SHROOM3: variants seen among roughly 807,000 people sequenced by gnomAD.
SHROOM3 encodes shroom family member 3.
In SHROOM3, 47 loss-of-function variants were observed where a neutral mutation model predicts 138.6. The ratio of observed to expected loss-of-function variants is 0.34; its 90% CI spans 0.27 to 0.43. The LOEUF is 0.43. Among genes scored for constraint, SHROOM3 ranks in the 20% least tolerant of loss-of-function variants. The pLI, the probability that SHROOM3 is intolerant of heterozygous loss-of-function variation, is 1.00. For synonymous variants in SHROOM3, 1,062 were observed against 1,063.3 expected, an observed-to-expected ratio of 1.00 and a Z score of 0.02; for missense variants, 2,491 against 2,596.5, an observed-to-expected ratio of 0.96 and a Z score of 0.88.
Position 76,741,227 on chromosome 4 carries a change from C to T in SHROOM3, c.3054C>T (p.Arg1018=). 3 of 1,610,690 alleles carry T rather than the reference C, an allele frequency of 1.9e-6. No individual in the cohort carries two copies. Among genetic ancestry groups the T allele is most frequent in the Non-Finnish European group, 2.5e-6 (3 of 1,179,126 alleles). The change falls in exon 5 of 11, where the codon CGC becomes CGT. Residue 1018 remains arginine, a synonymous_variant. Coordinates refer to ENST00000296043, the MANE Select transcript of SHROOM3 (RefSeq NM_020859.4). The surrounding 1 kb of genome is among the most constrained non-coding windows in gnomAD (Gnocchi z 6.2). The stretch of plus-strand genomic sequence containing the variant: ...GCCTGACTCCCGAGCAGAAGAAGCG[C>T]TCCTACTCGGAGCCCGAGAAGATGA... ...RRRLTPEQKK[R]SYSEPEKMNE...
intron 1 of SHROOM3, among the ~76,000 whole-genome samples, chr4:76,523,488 A>G (rs1732613472): frequency 6.6e-6 from 1 of 152,162 alleles, no homozygotes. Context: ...TAGATGATGG[A>G]TTTTGGTGAA....
At chr4:76,652,194 T>G (rs1324430913) in intron 2 of SHROOM3, among the ~76,000 whole-genome samples, 1 of 152,156 alleles carries the variant, frequency 6.6e-6, no homozygotes, top group Admixed American at 6.5e-5. Flanking sequence ...GTTTAATAAT[T>G]TGAGCTAGAT....
rs1334502886 is a variant in SHROOM3, at chr4:76,740,456, C to T, written c.2283C>T (p.Pro761=). ...CATCCAGTCTGGGCCGGAGGGGGCC[C>T]GGCCCAGGCAGCGCCTCGGCTCTTC... ...PHTSSLGRRG[P]GPGSASALQG... The change falls in exon 5 of 11, where the codon CCC becomes CCT. Residue 761 remains proline, a synonymous_variant. Coordinates refer to ENST00000296043, the MANE Select transcript of SHROOM3 (RefSeq NM_020859.4). This position sits in a 1 kb window ranked among gnomAD's most constrained non-coding sequence, Gnocchi z 4.0. 2 of 1,611,422 alleles carry T rather than the reference C, an allele frequency of 1.2e-6. No individual in the cohort carries two copies. Among genetic ancestry groups the T allele is most frequent in the Admixed American group, 1.7e-5 (1 of 59,858 alleles).
At chr4:76,748,198 G>A (rs1196325495) in intron 5 of SHROOM3, among the ~76,000 whole-genome samples, 1 of 152,160 alleles carries the variant, frequency 6.6e-6, no homozygotes, top group Non-Finnish European at 1.5e-5. Flanking sequence ...AAACAATGAG[G>A]AACGGGGTGA....
intron 2 of SHROOM3, among the ~76,000 whole-genome samples, chr4:76,608,383 G>A (rs1013891937): frequency 1.9e-4 from 29 of 152,232 alleles, no homozygotes; most frequent in Middle Eastern, 3.4e-3. Flanking sequence ...TCTTAATGAA[G>A]CCAGAATGCA....
intron 2 of SHROOM3, among the ~76,000 whole-genome samples, chr4:76,618,290 G>A (rs1389888523): frequency 6.6e-6 from 1 of 152,118 alleles, no homozygotes; most frequent in East Asian, 1.9e-4. Flanking sequence ...GGATGACAGA[G>A]GGAGACTGTC....
intron 2 of SHROOM3, among the ~76,000 whole-genome samples, chr4:76,674,808 G>T (rs146038765): frequency 0.013 from 2,044 of 151,940 alleles, 37 homozygotes; most frequent in African/African-American, 0.047. Context: ...GCCTGCCTCG[G>T]CCTCCCAAAG....
intron 1 of SHROOM3, among the ~76,000 whole-genome samples, chr4:76,450,199 CT>C (rs1730898307): frequency 6.6e-6 from 1 of 152,146 alleles, no homozygotes; most frequent in Admixed American, 6.5e-5. Flanking sequence ...GAAAAATATG[CT>C]TTCTTTTTTG....
At chr4:76,552,055 G>C (rs1247590056) in intron 1 of SHROOM3, among the ~76,000 whole-genome samples, 1 of 139,876 alleles carries the variant, frequency 7.1e-6, no homozygotes, top group African/African-American at 2.7e-5. Context: ...TAGAGACGGG[G>C]TTTCACCGTG....
intron 3 of SHROOM3, among the ~76,000 whole-genome samples, chr4:76,729,126 C>A (rs1209123515): frequency 6.6e-6 from 1 of 152,152 alleles, no homozygotes; most frequent in Non-Finnish European, 1.5e-5. Flanking sequence ...TCACAAAACT[C>A]CGTCAATAGG....
chr4:76,653,545 C>T (rs1736005223), intron 2 of SHROOM3, among the ~76,000 whole-genome samples: 1 of 151,130 alleles, frequency 6.6e-6, no homozygotes, highest in Admixed American at 6.6e-5. Flanking sequence ...TTCTTGTCTT[C>T]ATTTCTTCAT....
rs747974205 is a variant in SHROOM3, at chr4:76,667,966, C to CAAAAAAA, written c.324-42170_324-42164dup. The stretch of plus-strand genomic sequence containing the variant: ...TGGGCGACAGAAGGAGACTCCCTCT[C>CAAAAAAA]AAAAAAAAAAAAAAAAAAAAAAAAA... On this transcript the variant is annotated intron_variant, in intron 2 of 10. Coordinates refer to ENST00000296043, the MANE Select transcript of SHROOM3 (RefSeq NM_020859.4). Among the ~76,000 whole-genome samples, 524 of 62,502 alleles carry CAAAAAAA rather than the reference C, an allele frequency of 8.4e-3. 40 individuals are homozygous for CAAAAAAA. The highest frequency in any genetic ancestry group is 0.016 in the African/African-American group (252 of 15,446). The allele number at this position is 62,502 out of a possible 152,430, so 41.0% of individuals were successfully genotyped here.
At chr4:76,609,747 C>T (rs1734723201) in intron 2 of SHROOM3, among the ~76,000 whole-genome samples, 1 of 152,190 alleles carries the variant, frequency 6.6e-6, no homozygotes, top group Non-Finnish European at 1.5e-5. Flanking sequence ...TGTGCCCATC[C>T]ACCACTTCCT....
chr4:76,544,265 G>C (rs1038114466), intron 1 of SHROOM3, among the ~76,000 whole-genome samples: 1 of 152,022 alleles, frequency 6.6e-6, no homozygotes, highest in African/African-American at 2.4e-5. Context: ...AAACAAATGA[G>C]TATGAAAATA....
intron 10 of SHROOM3, among the ~76,000 whole-genome samples, chr4:76,772,565 C>T (rs1432992470): frequency 6.6e-6 from 1 of 151,306 alleles, no homozygotes; most frequent in Non-Finnish European, 1.5e-5. Context: ...CATTTAGGAA[C>T]TCTGCAGCGC....
intron 2 of SHROOM3, among the ~76,000 whole-genome samples, chr4:76,708,408 G>A (rs1029592355): frequency 1.8e-4 from 27 of 150,996 alleles, no homozygotes; most frequent in Admixed American, 1.4e-3. Flanking sequence ...AGATGGAGTC[G>A]AAAACTTTGG....
chr4:76,705,881 T>C (rs1201546395), intron 2 of SHROOM3, among the ~76,000 whole-genome samples: 1 of 152,220 alleles, frequency 6.6e-6, no homozygotes, highest in Non-Finnish European at 1.5e-5. Context: ...GCTGCAGATC[T>C]GTTGAACATT....
At chr4:76,713,176 A>G (rs891235159) in intron 3 of SHROOM3, among the ~76,000 whole-genome samples, 1 of 152,238 alleles carries the variant, frequency 6.6e-6, no homozygotes, top group South Asian at 2.1e-4. Flanking sequence ...TTTTTCTTCT[A>G]TAATTAACGT....
At chr4:76,605,933 C>CTCTA in intron 2 of SHROOM3, among the ~76,000 whole-genome samples, 1 of 133,104 alleles carries the variant, frequency 7.5e-6, no homozygotes, top group South Asian at 2.4e-4. Flanking sequence ...CTCTCTCTCT[C>CTCTA]TATATATATA....
Sources: allele counts gnomAD v4.1 joint callset (sites outside exome capture counted in the v4.1 genomes callset), GRCh38; gene constraint gnomAD v4.1.1; non-coding constraint Gnocchi (gnomAD v3.1); transcripts MANE v1.5; gene names NCBI Gene and HGNC (gene_info 2026-07-23, HGNC 2026-07-21).